The following KCNIP4 variants were observed in gnomAD, a reference collection of about 807,000 sequenced individuals.
KCNIP4 encodes potassium voltage-gated channel interacting protein 4, also known as Kv channel-interacting protein 4.
A neutral mutation model predicts 34.0 loss-of-function variants in KCNIP4; 12 were observed. The ratio of observed to expected loss-of-function variants is 0.35; its 90% CI spans 0.23 to 0.57. The LOEUF (loss-of-function observed/expected upper bound fraction) is 0.57. KCNIP4 is among the 20% of genes least tolerant of loss of function. The pLI, the probability that KCNIP4 is intolerant of heterozygous loss-of-function variation, is 0.83. For missense variants in KCNIP4, 238 were observed against 311.7 expected, an observed-to-expected ratio of 0.76 and a Z score of 1.78; for synonymous variants, 124 against 102.2, an observed-to-expected ratio of 1.21 and a Z score of -1.29.
chr4:20,909,694 A>C lies in KCNIP4; in HGVS notation c.62-26985T>G, dbSNP rs115329780. 3.8e-3 allele frequency among the ~76,000 whole-genome samples: 578 copies of C among 152,296 alleles called. 6 individuals carry two copies. The highest frequency in any genetic ancestry group is 0.013 in the African/African-American group (557 of 41,552). On this transcript the variant is annotated intron_variant, in intron 1 of 8. Transcript: ENST00000382152. ...GCACTATAAAGATTGAAAAAAGTTAATACTCACTTCCCTGTCTTCTTTCTA... is the reference window on the plus strand; with the variant it reads ...GCACTATAAAGATTGAAAAAAGTTACTACTCACTTCCCTGTCTTCTTTCTA...
At chr4:21,892,121 T>TA (rs1366314459) in intron 1 of KCNIP4, among the ~76,000 whole-genome samples, 2 of 152,044 alleles carry the variant, frequency 1.3e-5, no homozygotes, top group Non-Finnish European at 2.9e-5. Context: ...TGTCAATAGC[T>TA]AAAAAACTGA....
chr4:20,775,720 A>T (rs1259097853), intron 3 of KCNIP4, among the ~76,000 whole-genome samples: 1 of 152,092 alleles, frequency 6.6e-6, no homozygotes, highest in Admixed American at 6.6e-5. Context: ...TAAATAATTA[A>T]AAAGAATAAT....
intron 1 of KCNIP4, among the ~76,000 whole-genome samples, chr4:21,216,010 T>G (rs1757550142): frequency 6.6e-6 from 1 of 152,086 alleles, no homozygotes; most frequent in Admixed American, 6.6e-5. Context: ...AGGCTGGTCT[T>G]GAACTCCAGG....
At chr4:20,960,469 G>C (rs543904807) in intron 1 of KCNIP4, among the ~76,000 whole-genome samples, 1 of 152,246 alleles carries the variant, frequency 6.6e-6, no homozygotes, top group African/African-American at 2.4e-5. Flanking sequence ...TTCTGCTCAC[G>C]GACACTTGGC....
intron 1 of KCNIP4, among the ~76,000 whole-genome samples, chr4:21,916,308 T>A (rs1235196613): frequency 2.0e-5 from 3 of 152,224 alleles, no homozygotes; most frequent in African/African-American, 7.2e-5. Context: ...AATCTCAAAG[T>A]TACAATCATG....
chr4:21,428,091 C>T (rs79307142), intron 1 of KCNIP4, among the ~76,000 whole-genome samples: 176 of 152,130 alleles, frequency 1.2e-3, no homozygotes, highest in African/African-American at 4.2e-3. Flanking sequence ...GTGACAAATA[C>T]GGTAACCTGG....
At chr4:21,357,996 AG>A (rs1471695632) in intron 1 of KCNIP4, among the ~76,000 whole-genome samples, 1 of 152,194 alleles carries the variant, frequency 6.6e-6, no homozygotes, top group Non-Finnish European at 1.5e-5. Context: ...GCCATAAAAA[AG>A]GATGAGTTCA....
chr4:20,882,992 C>T (rs1461009214), intron 1 of KCNIP4, among the ~76,000 whole-genome samples: 1 of 144,220 alleles, frequency 6.9e-6, no homozygotes, highest in Non-Finnish European at 1.5e-5. Flanking sequence ...AAAAAAGCCA[C>T]CAAAAAAATC....
intron 1 of KCNIP4, among the ~76,000 whole-genome samples, chr4:21,720,013 A>AAGAAGAAGAAGG (rs1553924606): frequency 2.3e-5 from 3 of 131,232 alleles, no homozygotes; most frequent in African/African-American, 9.5e-5. Flanking sequence ...AAAGAAGAAG[A>AAGAAGAAGAAGG]AGAAGGAGAA....
At chr4:21,225,889 C>G (rs28503621) in intron 1 of KCNIP4, among the ~76,000 whole-genome samples, 12 of 152,142 alleles carry the variant, frequency 7.9e-5, no homozygotes, top group African/African-American at 2.9e-4. Context: ...GTCACAGAAT[C>G]TCAGAAATGG....
intron 1 of KCNIP4, among the ~76,000 whole-genome samples, chr4:21,411,846 A>G (rs1053536382): frequency 6.6e-6 from 1 of 152,150 alleles, no homozygotes; most frequent in African/African-American, 2.4e-5. Context: ...TCAAAAAAAT[A>G]AAAGAAGTCA....
chr4:21,909,255 C>CA (rs1298305578), intron 1 of KCNIP4, among the ~76,000 whole-genome samples: 1 of 152,088 alleles, frequency 6.6e-6, no homozygotes, highest in Non-Finnish European at 1.5e-5. Context: ...ACCCTCTCTC[C>CA]AGTCTTATAT....
In KCNIP4 at chr4:21,688,519, GAAC is replaced by G. The variant is rs376290446; in HGVS notation, c.61+260049_61+260051del. Among the ~76,000 whole-genome samples the G allele has an allele frequency of 1.6e-4, 25 of 152,214 alleles. 1 individual carries two copies. The South Asian group carries it at 5.2e-3, about 32-fold the overall frequency. On this transcript the variant is annotated intron_variant, in intron 1 of 8. Transcript: ENST00000382152. ...CAGGGTTGACTAGTAATTAAATGCT[GAAC>G]AATATGGGACAGACAACTTGTACTA...
chr4:21,948,564 A>C lies in KCNIP4; in HGVS notation c.61+7T>G, dbSNP rs368789449. On this transcript the variant is annotated splice_region_variant and intron_variant, in intron 1 of 8. Coordinates refer to ENST00000382152, the MANE Select transcript of KCNIP4 (RefSeq NM_025221.6). ...GGGCGCCCGCTCGCAAGCTTATTGC[A>C]TCCTACCGCCTGTAGAGCTGGCCTC... The C allele has an allele frequency of 3.7e-6, 6 of 1,612,602 alleles. No individual in the cohort carries two copies. In the African/African-American group the frequency reaches 8.0e-5, roughly 22 times the overall value.
intron 1 of KCNIP4, among the ~76,000 whole-genome samples, chr4:21,047,005 A>G (rs1182956879): frequency 1.3e-5 from 2 of 152,240 alleles, no homozygotes; most frequent in African/African-American, 4.8e-5. Flanking sequence ...AAGAGGTGCA[A>G]TTTGAGGACT....
intron 1 of KCNIP4, chr4:20,983,995 A>G: frequency 6.6e-7 from 1 of 1,521,406 alleles, no homozygotes; most frequent in Non-Finnish European, 8.8e-7. Flanking sequence ...ACAGAATCGT[A>G]GCAACGTCAG....
At chr4:20,983,854 C>T in intron 1 of KCNIP4, 2 of 1,536,392 alleles carry the variant, frequency 1.3e-6, no homozygotes, top group Non-Finnish European at 1.7e-6. Flanking sequence ...GAAGAAGCTT[C>T]AGAGATGCAC....
At chr4:21,442,245 T>G (rs530155441) in intron 1 of KCNIP4, among the ~76,000 whole-genome samples, 2 of 152,206 alleles carry the variant, frequency 1.3e-5, no homozygotes, top group African/African-American at 4.8e-5. Flanking sequence ...AAAAAAAAAG[T>G]GAGACTCTTC....
intron 1 of KCNIP4, among the ~76,000 whole-genome samples, chr4:21,409,332 G>C (rs999124898): frequency 2.6e-5 from 4 of 151,832 alleles, no homozygotes; most frequent in African/African-American, 9.7e-5. Flanking sequence ...TTCCCAGGTT[G>C]GTCTCAAACT....
Sources: gnomAD v4.1 joint callset for allele counts (sites outside exome capture counted in the v4.1 genomes callset) on GRCh38, gnomAD v4.1.1 for gene constraint, MANE v1.5 for transcripts, NCBI Gene and HGNC (gene_info 2026-07-23, HGNC 2026-07-21) for gene names.